Variants in SEC14L6 observed in about 807,000 individuals in gnomAD.
The protein encoded by SEC14L6 is SEC14 like lipid binding 6, also known as SEC14-like protein 6.
SEC14L6 carries 40 observed loss-of-function variants against 54.1 expected under a neutral mutation model. That is an observed-to-expected ratio of 0.74 (90% CI 0.57 to 0.96). The LOEUF is 0.96. Ranked by LOEUF, SEC14L6 falls within the 40% of genes least tolerant of loss-of-function variation. The pLI is 0.00. For missense variants in SEC14L6, 471 were observed against 498.3 expected (o/e 0.95, Z 0.52); for synonymous variants, 171 against 198.4 (o/e 0.86, Z 1.16).
chr22:30,542,795 G>A, intron 1 of SEC14L6: 1 of 1,593,068 alleles, frequency 6.3e-7, no homozygotes, highest in Non-Finnish European at 8.6e-7. Flanking sequence ...GCTGGACCAG[G>A]CCGGAAATTA....
At chr22:30,545,649 T>G (rs1422593380) in intron 1 of SEC14L6, among the ~76,000 whole-genome samples, 1 of 152,192 alleles carries the variant, frequency 6.6e-6, no homozygotes, top group Non-Finnish European at 1.5e-5. Context: ...CTTGCTATGT[T>G]GCCAGAACTC....
At position 30,531,889 on chromosome 22, in the gene SEC14L6, C is replaced by T. The variant is rs903665645; in HGVS notation, c.519+14G>A. 16 of 1,543,288 alleles carry T rather than the reference C, an allele frequency of 1.0e-5. No individual in the cohort carries two copies. The highest frequency in any genetic ancestry group is 2.4e-5 in the East Asian group (1 of 40,878). ...TTTGACCACCCACCCATGCCCCTGG[C>T]GGGGTCACCTCACCTCCTGGAGAAG... On this transcript the variant is annotated intron_variant, in intron 6 of 11. Coordinates refer to ENST00000402034, the MANE Select transcript of SEC14L6 (RefSeq NM_001193336.4).
rs1937027035 is a variant in SEC14L6 at position 30,532,784 on chromosome 22, G to C, written c.234+13C>G. 2 of 1,611,652 alleles carry C rather than the reference G, an allele frequency of 1.2e-6. No individual in the cohort carries two copies. Among genetic ancestry groups the C allele is most frequent in the Non-Finnish European group, 1.7e-6 (2 of 1,179,020 alleles). The stretch of plus-strand genomic sequence containing the variant: ...GGCCCAGGGATCAGGGTATGGGTTT[G>C]AGAGATGCTCACCTCTGGGGGCTGC... On this transcript the variant is annotated intron_variant, in intron 4 of 11. Coordinates refer to ENST00000402034, the MANE Select transcript of SEC14L6 (RefSeq NM_001193336.4).
chr22:30,537,562 T>G (rs1020846172), intron 2 of SEC14L6, among the ~76,000 whole-genome samples: 2 of 152,168 alleles, frequency 1.3e-5, no homozygotes, highest in African/African-American at 2.4e-5. Context: ...AAGGCTACAG[T>G]GAGCTGATGT....
rs1163323616 is a variant in SEC14L6, at chr22:30,525,081, G to A, written c.1110C>T (p.Ser370=). ...SYVLRFYNTY[S]LVHSKRISYT... ...AGCTGATGCGTTTAGAATGAACCAG[G>A]CTGTAGGTGTTGTAAAACCTCAGGA... is the stretch of plus-strand genomic sequence containing the variant. The change falls in exon 12 of 12, where the codon AGC becomes AGT. Residue 370 remains serine, a synonymous_variant. Coordinates refer to ENST00000402034, the MANE Select transcript of SEC14L6 (RefSeq NM_001193336.4). 1 of 1,549,220 alleles carries A rather than the reference G, an allele frequency of 6.5e-7. No individual in the cohort carries two copies. Among genetic ancestry groups the A allele is most frequent in the Admixed American group, 2.0e-5 (1 of 50,976 alleles).
At chr22:30,543,279 G>A in intron 1 of SEC14L6, 1 of 1,586,546 alleles carries the variant, frequency 6.3e-7, no homozygotes, top group Admixed American at 1.7e-5. Flanking sequence ...CCTTGCGGGG[G>A]GACTCTTTTC....
chr22:30,539,538 G>A (rs150630167), intron 1 of SEC14L6, among the ~76,000 whole-genome samples: 18 of 152,352 alleles, frequency 1.2e-4, no homozygotes, highest in South Asian at 8.3e-4. Context: ...GGTCAGGTGG[G>A]AGGATAAAGT....
chr22:30,523,390 T>C lies in SEC14L6; in HGVS notation c.*1607A>G, dbSNP rs908849387. The C allele has an allele frequency of 6.6e-6, 1 of 152,408 alleles. No homozygotes were observed. Among genetic ancestry groups the C allele is most frequent in the Non-Finnish European group, 1.5e-5 (1 of 68,258 alleles). The allele number at this position is 152,408 out of a possible 1,614,324, so 9.4% of individuals were successfully genotyped here. On this transcript the variant is annotated 3_prime_UTR_variant, in exon 12 of 12. Coordinates refer to ENST00000402034, the MANE Select transcript of SEC14L6 (RefSeq NM_001193336.4). ...TTTTTTTTAAGACAGGGTCTTGCTC[T>C]GTTTCCCAGGCTGGAGTGCAGTGGT...
At chr22:30,534,721 CTT>C (rs1937090719) in intron 2 of SEC14L6, among the ~76,000 whole-genome samples, 2 of 151,996 alleles carry the variant, frequency 1.3e-5, no homozygotes, top group South Asian at 2.1e-4. Context: ...CCTTAATACT[CTT>C]TAAAAAAATC....
chr22:30,529,077 G>A lies in SEC14L6; in HGVS notation c.664+10C>T. 1 of 1,546,784 alleles carries A rather than the reference G, an allele frequency of 6.5e-7. No individual in the cohort carries two copies. The highest frequency in any genetic ancestry group is 8.7e-7 in the Non-Finnish European group (1 of 1,143,520). ...CAGGCTGGAAAAGAGGCCGCAGAGGGCTCACTCACCTCCGAGAATCACCAC... is the reference window on the plus strand; with the variant it reads ...CAGGCTGGAAAAGAGGCCGCAGAGGACTCACTCACCTCCGAGAATCACCAC... On this transcript the variant is annotated intron_variant, in intron 8 of 11. Transcript: ENST00000402034.
chr22:30,532,713 C>T lies in SEC14L6; in HGVS notation c.235G>A (p.Val79Met), dbSNP rs1179865385. ...CCGTTAGCGTTGTACAGCCTGACCACCTGGATGCATACACAGGAGACGGGG... is the reference window on the plus strand; with the variant it reads ...CCGTTAGCGTTGTACAGCCTGACCATCTGGATGCATACACAGGAGACGGGG... Reference protein sequence around the residue: ...ANILAWQPPEVVRLYNANGIC... With the variant: ...ANILAWQPPEMVRLYNANGIC... Residue 79 changes from valine (V) to methionine (M), a missense_variant and splice_region_variant, in exon 5 of 12, where the codon GTG becomes ATG. Physicochemically the swap from Val to Met is conservative, Grantham distance 21. Coordinates refer to ENST00000402034, the MANE Select transcript of SEC14L6 (RefSeq NM_001193336.4). The T allele has an allele frequency of 1.9e-6, 3 of 1,573,092 alleles. No individual in the cohort carries two copies. In the Admixed American group the frequency reaches 5.7e-5, roughly 30 times the overall value.
chr22:30,532,951 ACCACTAAGGG>A, intron 3 of SEC14L6, 95 bp from the exon 4 acceptor site: 1 of 1,545,792 alleles, frequency 6.5e-7, no homozygotes, highest in Non-Finnish European at 8.7e-7. Context: ...TCTGCCTGCA[ACCACTAAGGG>A]CCTGCCAGAG....
intron 1 of SEC14L6, among the ~76,000 whole-genome samples, chr22:30,545,465 G>A (rs1257558316): frequency 6.6e-6 from 1 of 151,916 alleles, no homozygotes; most frequent in African/African-American, 2.4e-5. Context: ...CACGATGTTG[G>A]CTCACCGCAG....
At chr22:30,541,868 C>A (rs1427558940) in intron 1 of SEC14L6, among the ~76,000 whole-genome samples, 1 of 152,160 alleles carries the variant, frequency 6.6e-6, no homozygotes, top group Non-Finnish European at 1.5e-5. Context: ...TGTTCACTCT[C>A]ATGGACAAAA....
At chr22:30,544,741 T>G (rs1387232546) in intron 1 of SEC14L6, among the ~76,000 whole-genome samples, 1 of 152,056 alleles carries the variant, frequency 6.6e-6, no homozygotes, top group East Asian at 1.9e-4. Context: ...GGGGCCCAAC[T>G]GTGTTGCTCC....
At chr22:30,542,034 G>A (rs1601902644) in intron 1 of SEC14L6, among the ~76,000 whole-genome samples, 1 of 152,158 alleles carries the variant, frequency 6.6e-6, no homozygotes, top group East Asian at 1.9e-4. Context: ...TGGCACCGAA[G>A]GGCAGGACGC....
intron 8 of SEC14L6, among the ~76,000 whole-genome samples, chr22:30,528,278 C>T (rs939078210): frequency 8.6e-5 from 13 of 151,682 alleles, no homozygotes; most frequent in East Asian, 7.8e-4. Context: ...CCTGCCACCA[C>T]GCCCGGCTAA....
chr22:30,543,250 T>A, intron 1 of SEC14L6: 1 of 1,597,360 alleles, frequency 6.3e-7, no homozygotes. Flanking sequence ...TCAAGTCATC[T>A]GCGAGGTGGC....
At chr22:30,533,968 G>T (rs753659265) in intron 3 of SEC14L6, 28 bp downstream of exon 3, 2 of 1,547,680 alleles carry the variant, frequency 1.3e-6, no homozygotes, top group Non-Finnish European at 1.7e-6. Context: ...ACAGGACCAG[G>T]CTAGGCAGGG....
Sources: gnomAD v4.1 joint callset for allele counts (sites outside exome capture counted in the v4.1 genomes callset) on GRCh38, gnomAD v4.1.1 for gene constraint, MANE v1.5 for transcripts, NCBI Gene and HGNC (gene_info 2026-07-23, HGNC 2026-07-21) for gene names.